TRERF1: variants seen among roughly 807,000 people sequenced by gnomAD.
The protein encoded by TRERF1 is transcriptional regulating factor 1.
In TRERF1, 27 loss-of-function variants were observed where a neutral mutation model predicts 122.9. That is an observed-to-expected ratio of 0.22 (90% CI 0.16 to 0.30). The LOEUF is 0.30. Ranked by LOEUF, TRERF1 falls within the 10% of genes least tolerant of loss-of-function variation. The pLI is 1.00. For synonymous variants in TRERF1, 636 were observed against 641.7 expected (o/e 0.99, Z 0.13); for missense variants, 1,248 against 1,560.3 (o/e 0.80, Z 3.37).
chr6:42,323,411 C>T (rs1763778222), intron 3 of TRERF1, among the ~76,000 whole-genome samples: 1 of 151,964 alleles, frequency 6.6e-6, no homozygotes, highest in South Asian at 2.1e-4. Context: ...ATTGGCCAGG[C>T]TGGTCTCAAA....
At chr6:42,292,831 T>G (rs1303047988) in intron 4 of TRERF1, among the ~76,000 whole-genome samples, 1 of 152,138 alleles carries the variant, frequency 6.6e-6, no homozygotes, top group African/African-American at 2.4e-5. Flanking sequence ...TTAGAAGGGG[T>G]GGGCCCTGTT....
In TRERF1 at chr6:42,369,015, AG is replaced by A. The variant is rs1347630179; in HGVS notation, c.-453-5937del. Among the ~76,000 whole-genome samples the A allele has an allele frequency of 7.2e-5, 11 of 152,170 alleles. 1 individual carries two copies. The East Asian group carries it at 1.9e-3, about 27-fold the overall frequency. On this transcript the variant is annotated intron_variant, in intron 2 of 17. Transcript: ENST00000372922. Reference sequence around the variant, plus strand: ...AGCTGCATTTCTGAAAAAAATTCCCAGGCTCCCCAAGATTCTGACACATTCA... The same window carrying A: ...AGCTGCATTTCTGAAAAAAATTCCCAGCTCCCCAAGATTCTGACACATTCA...
chr6:42,233,627 C>T (rs985829476), intron 16 of TRERF1, among the ~76,000 whole-genome samples: 1 of 152,034 alleles, frequency 6.6e-6, no homozygotes, highest in African/African-American at 2.4e-5. Flanking sequence ...TCTTTTCCTC[C>T]CATTTTTCTT....
At chr6:42,301,000 C>CAG (rs34724916) in intron 3 of TRERF1, among the ~76,000 whole-genome samples, 4,155 of 150,178 alleles carry the variant, frequency 0.028, 192 homozygotes, top group African/African-American at 0.096. Flanking sequence ...ACTTAGGAAA[C>CAG]AGAGAGAGAG....
At chr6:42,335,761 G>T (rs529797996) in intron 3 of TRERF1, among the ~76,000 whole-genome samples, 1 of 152,198 alleles carries the variant, frequency 6.6e-6, no homozygotes, top group Non-Finnish European at 1.5e-5. Flanking sequence ...TTCCTCAGGG[G>T]CACATTCTCT....
intron 2 of TRERF1, among the ~76,000 whole-genome samples, chr6:42,406,355 C>G (rs938133257): frequency 6.6e-6 from 1 of 152,186 alleles, no homozygotes; most frequent in Non-Finnish European, 1.5e-5. Context: ...CCTCACTCCA[C>G]GGAAGAAGAT....
At chr6:42,337,078 G>T (rs1766341391) in intron 3 of TRERF1, among the ~76,000 whole-genome samples, 1 of 152,146 alleles carries the variant, frequency 6.6e-6, no homozygotes, top group Non-Finnish European at 1.5e-5. Flanking sequence ...AGAGACTCTG[G>T]TCACTGAGGC....
intron 2 of TRERF1, 113 bp downstream of exon 2, chr6:42,451,064 T>C (rs1278294488): frequency 6.6e-6 from 1 of 152,020 alleles, no homozygotes; most frequent in Admixed American, 6.5e-5. Context: ...GGGGGGAGAC[T>C]TCTCCTTCTG....
At chr6:42,238,871 A>ACACACACAC (rs1554124321) in intron 15 of TRERF1, among the ~76,000 whole-genome samples, 1 of 117,892 alleles carries the variant, frequency 8.5e-6, no homozygotes, top group East Asian at 2.5e-4. Flanking sequence ...ACACACACAC[A>ACACACACAC]ATTTCTAGTT....
chr6:42,228,590 G>T lies in TRERF1; in HGVS notation c.3358C>A (p.Gln1120Lys), dbSNP rs989874404. 1.6e-5 allele frequency: 26 copies of T among 1,614,212 alleles called. No homozygotes were observed. The highest frequency in any genetic ancestry group is 1.9e-5 in the Non-Finnish European group (22 of 1,180,042). Residue 1120 changes from glutamine (Q) to lysine (K), a missense_variant, in exon 18 of 18, where the codon CAG becomes AAG. By Grantham distance (53) the Gln-to-Lys change is moderately conservative. Around this residue, in one of 5 missense-constraint regions of TRERF1, gnomAD observed 84 missense variants for 116.0 expected, o/e 0.72. Transcript: ENST00000372922. This position sits in a 1 kb window ranked among gnomAD's most constrained non-coding sequence, Gnocchi z 4.2. ...ATCTCAGCTGCAAAAGCCGCCTTCT[G>T]AGCCTTTTGCCTCTGTTGTTCCTCC...
intron 2 of TRERF1, among the ~76,000 whole-genome samples, chr6:42,449,942 T>A (rs895432306): frequency 5.9e-5 from 9 of 152,210 alleles, no homozygotes; most frequent in African/African-American, 1.9e-4. Context: ...CCCCACTGCC[T>A]AGTGGCTACT....
At chr6:42,307,886 C>A (rs186491177) in intron 3 of TRERF1, among the ~76,000 whole-genome samples, 9 of 152,252 alleles carry the variant, frequency 5.9e-5, no homozygotes, top group African/African-American at 2.2e-4. Context: ...CAGGTCTACA[C>A]GAACCATCCT....
rs569226853 is a variant in TRERF1 at position 42,423,141 on chromosome 6, G to A, written c.-454+28036C>T. On this transcript the variant is annotated intron_variant, in intron 2 of 17. Transcript: ENST00000372922. ...GGCATGAGCCACCGTGCCCAGCCAT[G>A]GGCATCTTTTTGAACCTTCATGCAG... Among the ~76,000 whole-genome samples, 20 of 152,276 alleles carry A rather than the reference G, an allele frequency of 1.3e-4. No homozygotes were observed. In the East Asian group the frequency reaches 3.5e-3, roughly 26 times the overall value.
At chr6:42,325,450 C>A (rs1764130354) in intron 3 of TRERF1, among the ~76,000 whole-genome samples, 1 of 152,134 alleles carries the variant, frequency 6.6e-6, no homozygotes, top group African/African-American at 2.4e-5. Context: ...AAGACATATG[C>A]AACTCATATG....
chr6:42,299,145 T>C (rs936423058), intron 4 of TRERF1, among the ~76,000 whole-genome samples: 1 of 151,440 alleles, frequency 6.6e-6, no homozygotes, highest in South Asian at 2.1e-4. Flanking sequence ...TACATATATA[T>C]ATATATCTAG....
intron 3 of TRERF1, among the ~76,000 whole-genome samples, chr6:42,362,642 G>A (rs1423682013): frequency 1.3e-5 from 2 of 152,200 alleles, no homozygotes; most frequent in African/African-American, 4.8e-5. Flanking sequence ...AGGCTCTGTG[G>A]AGCTTCCCAC....
intron 2 of TRERF1, among the ~76,000 whole-genome samples, chr6:42,391,465 A>G (rs73733170): frequency 0.087 from 13,308 of 152,204 alleles, 877 homozygotes; most frequent in African/African-American, 0.18. Context: ...TCTGGGAGAC[A>G]GGGTGATATT....
At chr6:42,361,821 C>G (rs1051036604) in intron 3 of TRERF1, among the ~76,000 whole-genome samples, 2 of 152,238 alleles carry the variant, frequency 1.3e-5, no homozygotes, top group Admixed American at 6.5e-5. Flanking sequence ...CCTCCGTGGA[C>G]AGCATCCACC....
At chr6:42,308,438 C>T (rs1211328097) in intron 3 of TRERF1, among the ~76,000 whole-genome samples, 1 of 152,118 alleles carries the variant, frequency 6.6e-6, no homozygotes, top group Non-Finnish European at 1.5e-5. Flanking sequence ...AAGCAGAAAG[C>T]AGGTTAGTGG....
Sources: gnomAD v4.1 joint callset for allele counts (sites outside exome capture counted in the v4.1 genomes callset) on GRCh38, gnomAD v4.1.1 for gene constraint, gnomAD v4.1.1 regional missense constraint, Gnocchi (gnomAD v3.1) non-coding constraint, MANE v1.5 for transcripts, NCBI Gene and HGNC (gene_info 2026-07-23, HGNC 2026-07-21) for gene names.